The following WDR35 variants were observed in gnomAD, a reference collection of about 807,000 sequenced individuals.
The protein encoded by WDR35 is WD repeat-containing protein 35.
Under a neutral mutation model 158.3 loss-of-function variants are expected in WDR35, and 118 were observed. The observed-to-expected ratio is 0.75, with a 90% CI of 0.64 to 0.87. The LOEUF is 0.87. Ranked by LOEUF, WDR35 falls within the 40% of genes least tolerant of loss-of-function variation. WDR35 has a pLI of 0.00. For synonymous variants in WDR35, 448 were observed against 476.1 expected (o/e 0.94, Z 0.77); for missense variants, 1,263 against 1,405.8 (o/e 0.90, Z 1.62).
chr2:19,924,428 G>A (rs951880061), intron 25 of WDR35, among the ~76,000 whole-genome samples: 1 of 152,126 alleles, frequency 6.6e-6, no homozygotes, highest in Non-Finnish European at 1.5e-5. Context: ...GCCGGGTGTG[G>A]TGGCGGGCGC....
At chr2:19,926,516 G>C (rs569548961) in intron 25 of WDR35, among the ~76,000 whole-genome samples, 2 of 152,292 alleles carry the variant, frequency 1.3e-5, no homozygotes, top group East Asian at 3.9e-4. Context: ...ACAGTTAATT[G>C]AAAATGCTCA....
chr2:19,941,683 C>T (rs530307643), intron 17 of WDR35, 76 bp downstream of exon 17: 1 of 1,117,454 alleles, frequency 8.9e-7, no homozygotes, highest in Admixed American at 2.1e-5. Context: ...CACTGCTAAC[C>T]AGGATACTAC....
At chr2:19,986,183 C>T (rs981225362) in intron 2 of WDR35, among the ~76,000 whole-genome samples, 2 of 152,104 alleles carry the variant, frequency 1.3e-5, no homozygotes, top group Non-Finnish European at 2.9e-5. Context: ...GAGATATTTG[C>T]TGAAATGGAG....
chr2:19,924,808 T>C (rs912567017), intron 25 of WDR35, among the ~76,000 whole-genome samples: 5 of 152,120 alleles, frequency 3.3e-5, no homozygotes, highest in Non-Finnish European at 1.5e-5. Flanking sequence ...GAGGGTGTTT[T>C]AACTGTGGGA....
At chr2:19,928,755 G>C (rs1008315310) in intron 25 of WDR35, among the ~76,000 whole-genome samples, 3 of 151,882 alleles carry the variant, frequency 2.0e-5, no homozygotes, top group Non-Finnish European at 4.4e-5. Flanking sequence ...TAATAAGTGA[G>C]TTTTCTTTTC....
At chr2:19,914,393 G>A in intron 25 of WDR35, 116 bp from the exon 26 acceptor site, 2 of 1,366,072 alleles carry the variant, frequency 1.5e-6, no homozygotes, top group Non-Finnish European at 1.0e-6. Context: ...CGAACTGAAA[G>A]CAAACAGTGT....
intron 9 of WDR35, 80 bp from the exon 10 acceptor site, chr2:19,966,989 A>G (rs1671876373): frequency 1.4e-6 from 2 of 1,412,044 alleles, no homozygotes; most frequent in Admixed American, 1.8e-5. Flanking sequence ...AAATCACATT[A>G]TTTTATTTTT....
At chr2:19,971,587 TA>T (rs1463737782) in intron 8 of WDR35, among the ~76,000 whole-genome samples, 1 of 152,186 alleles carries the variant, frequency 6.6e-6, no homozygotes. Flanking sequence ...TAGCAGCACA[TA>T]ATAGAGTAAG....
rs139358793 is a variant in WDR35, at chr2:19,944,305, GT to G, written c.1845+1480del. Among the ~76,000 whole-genome samples, 455 of 152,180 alleles carry G rather than the reference GT, an allele frequency of 3.0e-3. 2 individuals are homozygous for G. Among genetic ancestry groups the G allele is most frequent in the Non-Finnish European group, 4.7e-3 (320 of 67,952 alleles). On this transcript the variant is annotated intron_variant, in intron 16 of 26. Coordinates refer to ENST00000281405, the MANE Select transcript of WDR35 (RefSeq NM_020779.4). ...ACAAATTCAAATTAAAAAACAGTAT[GT>G]TTTTAAAAGGCTGTTCTGTTAAAAC...
chr2:19,937,558 G>A (rs1670736462), intron 19 of WDR35, among the ~76,000 whole-genome samples, 185 bp downstream of exon 19: 1 of 151,928 alleles, frequency 6.6e-6, no homozygotes, highest in Non-Finnish European at 1.5e-5. Context: ...GAAGAAAACT[G>A]CCTCCAGACT....
chr2:19,982,881 T>C (rs1672430051), intron 2 of WDR35, among the ~76,000 whole-genome samples: 1 of 152,220 alleles, frequency 6.6e-6, no homozygotes, highest in Non-Finnish European at 1.5e-5. Context: ...GCATAGACTT[T>C]GAAAATGGGT....
chr2:19,928,938 C>A (rs1670443497), intron 25 of WDR35, among the ~76,000 whole-genome samples: 1 of 152,108 alleles, frequency 6.6e-6, no homozygotes, highest in African/African-American at 2.4e-5. Context: ...TCCCAAGTAG[C>A]TGGGACTACA....
At chr2:19,978,195 G>GACACAC (rs3039208) in intron 5 of WDR35, among the ~76,000 whole-genome samples, 55 of 146,808 alleles carry the variant, frequency 3.7e-4, no homozygotes, top group African/African-American at 1.4e-3. Flanking sequence ...CACACACACA[G>GACACAC]ACACACACAC....
intron 13 of WDR35, among the ~76,000 whole-genome samples, chr2:19,949,541 T>G (rs929768237): frequency 3.3e-5 from 5 of 152,194 alleles, no homozygotes. Flanking sequence ...CTTCAATTAA[T>G]GACAGTGAAA....
At chr2:19,967,795 T>G (rs536138211) in intron 9 of WDR35, among the ~76,000 whole-genome samples, 4 of 152,250 alleles carry the variant, frequency 2.6e-5, no homozygotes, top group African/African-American at 9.6e-5. Flanking sequence ...TCCTCATCCA[T>G]TTCCCTTATT....
chr2:19,919,196 T>G (rs1226933130), intron 25 of WDR35, among the ~76,000 whole-genome samples: 2 of 151,548 alleles, frequency 1.3e-5, no homozygotes, highest in Non-Finnish European at 2.9e-5. Flanking sequence ...CTGGCTAACA[T>G]GGTAAAACCC....
chr2:19,959,386 C>T (rs1439136874), intron 11 of WDR35, among the ~76,000 whole-genome samples: 1 of 151,906 alleles, frequency 6.6e-6, no homozygotes, highest in Non-Finnish European at 1.5e-5. Flanking sequence ...ACTGTTAATG[C>T]TTCTAATAAA....
chr2:19,978,654 A>G, intron 5 of WDR35, 97 bp downstream of exon 5: 4 of 1,552,590 alleles, frequency 2.6e-6, no homozygotes, highest in East Asian at 2.3e-5. Flanking sequence ...CTATTTTTCA[A>G]TCAGAATGCT....
intron 10 of WDR35, among the ~76,000 whole-genome samples, chr2:19,965,759 G>C (rs11683973): frequency 0.22 from 33,312 of 152,118 alleles, 4,007 homozygotes; most frequent in Non-Finnish European, 0.25. Context: ...CTCAGTATAG[G>C]GGAGTGGGAT....
Sources: allele counts gnomAD v4.1 joint callset (sites outside exome capture counted in the v4.1 genomes callset), GRCh38; gene constraint gnomAD v4.1.1; transcripts MANE v1.5; gene names NCBI Gene and HGNC (gene_info 2026-07-23, HGNC 2026-07-21).